FMNL2: variants seen among roughly 807,000 people sequenced by gnomAD.
The protein encoded by FMNL2 is formin like 2, also known as formin-like protein 2.
Under a neutral mutation model 130.2 loss-of-function variants are expected in FMNL2, and 51 were observed. The ratio of observed to expected loss-of-function variants is 0.39; its 90% CI spans 0.31 to 0.49. The LOEUF is 0.49. Ranked by LOEUF, FMNL2 falls within the 20% of genes least tolerant of loss-of-function variation. The pLI is 0.85. For missense variants in FMNL2, 977 were observed against 1,316.2 expected (o/e 0.74, Z 3.99); for synonymous variants, 465 against 467.1 (o/e 1.00, Z 0.06).
chr2:152,576,882 G>T (rs1274265031), intron 7 of FMNL2, among the ~76,000 whole-genome samples: 2 of 152,210 alleles, frequency 1.3e-5, no homozygotes, highest in Non-Finnish European at 2.9e-5. Flanking sequence ...GTAAGAGGGA[G>T]AAGAGTAGAA....
At chr2:152,624,218 C>A (rs560718764) in intron 15 of FMNL2, among the ~76,000 whole-genome samples, 7 of 150,862 alleles carry the variant, frequency 4.6e-5, no homozygotes, top group Admixed American at 1.3e-4. Context: ...AGTGCTATGG[C>A]GTGATCTCGG....
intron 1 of FMNL2, among the ~76,000 whole-genome samples, chr2:152,352,062 T>G (rs1682520574): frequency 6.6e-6 from 1 of 152,202 alleles, no homozygotes; most frequent in African/African-American, 2.4e-5. Flanking sequence ...CTTAGAACTC[T>G]CAGACCTCTA....
intron 4 of FMNL2, among the ~76,000 whole-genome samples, chr2:152,556,863 C>T (rs927108235): frequency 2.6e-5 from 4 of 152,070 alleles, no homozygotes; most frequent in Non-Finnish European, 5.9e-5. Flanking sequence ...ACTGAGACTG[C>T]CCTGAAAAAT....
chr2:152,407,051 C>T (rs758032476), intron 1 of FMNL2, among the ~76,000 whole-genome samples: 1 of 152,156 alleles, frequency 6.6e-6, no homozygotes, highest in African/African-American at 2.4e-5. Flanking sequence ...ATTTTCCATA[C>T]TGGGTTGCTG....
At chr2:152,601,520 C>T (rs1384841705) in intron 9 of FMNL2, among the ~76,000 whole-genome samples, 25 of 151,696 alleles carry the variant, frequency 1.6e-4, no homozygotes, top group African/African-American at 5.6e-4. Context: ...AGGCTAGTCT[C>T]GAACTCCTGA....
intron 5 of FMNL2, among the ~76,000 whole-genome samples, chr2:152,560,496 A>C (rs571427846): frequency 6.6e-6 from 1 of 152,348 alleles, no homozygotes; most frequent in East Asian, 1.9e-4. Context: ...GGGTAGGAAT[A>C]AATTAGTATA....
chr2:152,602,988 G>A (rs1698166586), intron 9 of FMNL2, among the ~76,000 whole-genome samples: 1 of 152,308 alleles, frequency 6.6e-6, no homozygotes, highest in East Asian at 1.9e-4. Context: ...CTTTGATGTG[G>A]GACACAACTT....
intron 1 of FMNL2, among the ~76,000 whole-genome samples, chr2:152,402,181 C>T (rs539430339): frequency 1.8e-4 from 27 of 152,218 alleles, no homozygotes; most frequent in African/African-American, 5.5e-4. Context: ...AGATTACAGG[C>T]GTGAGCCACT....
intron 1 of FMNL2, among the ~76,000 whole-genome samples, chr2:152,473,831 A>C (rs1394959629): frequency 6.6e-6 from 1 of 152,170 alleles, no homozygotes; most frequent in Non-Finnish European, 1.5e-5. Context: ...GTAGTTTATC[A>C]CATTTGGAAT....
At chr2:152,594,932 G>T (rs1243270807) in intron 9 of FMNL2, among the ~76,000 whole-genome samples, 1 of 152,162 alleles carries the variant, frequency 6.6e-6, no homozygotes, top group African/African-American at 2.4e-5. Context: ...AACAGTCACT[G>T]TCAGTCACCC....
chr2:152,434,110 T>A (rs1427788936), intron 1 of FMNL2, among the ~76,000 whole-genome samples: 1 of 152,172 alleles, frequency 6.6e-6, no homozygotes, highest in Non-Finnish European at 1.5e-5. Context: ...TTCCATTGAA[T>A]TTTTTTAGAA....
intron 5 of FMNL2, 47 bp downstream of exon 5, chr2:152,558,870 G>A (rs780294886): frequency 2.7e-6 from 4 of 1,509,378 alleles, no homozygotes; most frequent in Non-Finnish European, 3.7e-6. Context: ...TGTGGTCACA[G>A]CAGATGCTAC....
At chr2:152,426,939 G>A (rs145830928) in intron 1 of FMNL2, among the ~76,000 whole-genome samples, 4 of 152,236 alleles carry the variant, frequency 2.6e-5, no homozygotes, top group African/African-American at 9.6e-5. Flanking sequence ...AAAAAATCAA[G>A]CATTTGTGGC....
intron 1 of FMNL2, among the ~76,000 whole-genome samples, chr2:152,347,928 G>GTTTT (rs11384938): frequency 6.7e-6 from 1 of 148,170 alleles, no homozygotes; most frequent in Non-Finnish European, 1.5e-5. Flanking sequence ...TAACTTGGAA[G>GTTTT]TTTTTTTTTT....
At chr2:152,437,846 G>C (rs1340371873) in intron 1 of FMNL2, among the ~76,000 whole-genome samples, 1 of 152,122 alleles carries the variant, frequency 6.6e-6, no homozygotes, top group African/African-American at 2.4e-5. Flanking sequence ...CTGTTTCTTC[G>C]ATTTATATAA....
intron 1 of FMNL2, among the ~76,000 whole-genome samples, chr2:152,393,368 A>G (rs57851180): frequency 0.53 from 81,153 of 152,210 alleles, 22,470 homozygotes; most frequent in South Asian, 0.67. Flanking sequence ...TAAAGATACC[A>G]TAATAAATGT....
chr2:152,367,963 C>T (rs1450108041), intron 1 of FMNL2, among the ~76,000 whole-genome samples: 1 of 152,118 alleles, frequency 6.6e-6, no homozygotes, highest in African/African-American at 2.4e-5. Flanking sequence ...AATGAAGATT[C>T]TTGGTTCGTG....
At chr2:152,409,362 A>G (rs183888710) in intron 1 of FMNL2, among the ~76,000 whole-genome samples, 25 of 152,230 alleles carry the variant, frequency 1.6e-4, no homozygotes, top group Admixed American at 5.9e-4. Flanking sequence ...TTTGGTGAGG[A>G]TATGGAGAAA....
At chr2:152,622,529 C>T (rs573153086) in intron 15 of FMNL2, 96 of 456,660 alleles carry the variant, frequency 2.1e-4, no homozygotes, top group South Asian at 1.5e-3. Context: ...TTTCTGCTTC[C>T]ACAAAAGATG....
Sources: gnomAD v4.1 joint callset for allele counts (sites outside exome capture counted in the v4.1 genomes callset) on GRCh38, gnomAD v4.1.1 for gene constraint, MANE v1.5 for transcripts, NCBI Gene and HGNC (gene_info 2026-07-23, HGNC 2026-07-21) for gene names.